The following PPP4R3B variants were observed in gnomAD, a reference collection of about 807,000 sequenced individuals.
The protein encoded by PPP4R3B is serine/threonine-protein phosphatase 4 regulatory subunit 3B.
PPP4R3B carries 52 observed loss-of-function variants against 95.4 expected under a neutral mutation model. The ratio of observed to expected loss-of-function variants is 0.54; its 90% confidence interval spans 0.44 to 0.69. The LOEUF (loss-of-function observed/expected upper bound fraction) is 0.69. Ranked by LOEUF, PPP4R3B falls within the 30% of genes least tolerant of loss-of-function variation. The pLI, the probability that PPP4R3B is intolerant of heterozygous loss-of-function variation, is 0.00. For missense variants in PPP4R3B, 1,003 were observed against 1,005.9 expected, an observed-to-expected ratio of 1.00 and a Z score of 0.04; for synonymous variants, 407 against 343.9, an observed-to-expected ratio of 1.18 and a Z score of -2.03.
chr2:55,599,175 C>G, intron 3 of PPP4R3B, 136 bp from the exon 4 acceptor site: 1 of 801,512 alleles, frequency 1.2e-6, no homozygotes, highest in Non-Finnish European at 1.9e-6. Flanking sequence ...CGGTGGCTCA[C>G]GCCTGTAATC....
At position 55,598,509 on chromosome 2, in the gene PPP4R3B, A is replaced by C; in HGVS notation, c.828T>G (p.Ile276Met). 1 of 1,614,156 alleles carries C rather than the reference A, an allele frequency of 6.2e-7. No homozygotes were observed. Among genetic ancestry groups the C allele is most frequent in the Non-Finnish European group, 8.5e-7 (1 of 1,180,024 alleles). The change falls in exon 4 of 17, where the codon ATT becomes ATG. Residue 276 changes from isoleucine to methionine, a missense_variant. Physicochemically the swap from Ile to Met is conservative, Grantham distance 10 (BLOSUM62 1). This residue lies in a region of PPP4R3B where 695 missense variants were observed against 686.2 expected (regional missense o/e 1.01). Coordinates refer to ENST00000616407, the MANE Select transcript of PPP4R3B (RefSeq NM_001122964.3). ...CTTCAAAAACAGATGGTGTGGGCAA[A>C]ATGATGTCCTGAATGTACTGTACCC... is the stretch of plus-strand genomic sequence containing the variant. Reference protein sequence around the residue: ...TYRVQYIQDIILPTPSVFEEN... With the variant: ...TYRVQYIQDIMLPTPSVFEEN...
chr2:55,579,403 T>G (rs1689133740), intron 9 of PPP4R3B, among the ~76,000 whole-genome samples: 1 of 98 alleles, frequency 0.01, no homozygotes, highest in South Asian at 0.25. Flanking sequence ...GTTTGCCACA[T>G]TTTCTTTTTT....
intron 1 of PPP4R3B, among the ~76,000 whole-genome samples, chr2:55,616,819 G>T (rs572535197): frequency 1.3e-5 from 2 of 152,032 alleles, no homozygotes; most frequent in Admixed American, 6.6e-5. Context: ...GGGGAGGAAG[G>T]TGTCAGCTCC....
rs746195110 is a variant in PPP4R3B, at chr2:55,579,164, C to T, written c.1468+515G>A. Among the ~76,000 whole-genome samples, 84 of 152,070 alleles carry T rather than the reference C, an allele frequency of 5.5e-4. 1 individual carries two copies. The highest frequency in any genetic ancestry group is 3.1e-3 in the Admixed American group (48 of 15,290). ...AACAGAAATTGCAGCTGATGAATTA[C>T]GGGTGCCGATTACATAAGAAAGAGA... On this transcript the variant is annotated intron_variant, in intron 9 of 16. Coordinates refer to ENST00000616407, the MANE Select transcript of PPP4R3B (RefSeq NM_001122964.3).
At chr2:55,580,295 A>C (rs550461824) in intron 8 of PPP4R3B, among the ~76,000 whole-genome samples, 1 of 152,246 alleles carries the variant, frequency 6.6e-6, no homozygotes, top group South Asian at 2.1e-4. Flanking sequence ...ACACAAAATA[A>C]ACAACATGTA....
chr2:55,551,717 C>T (rs1257359407), intron 16 of PPP4R3B, among the ~76,000 whole-genome samples: 3 of 152,000 alleles, frequency 2.0e-5, no homozygotes, highest in Non-Finnish European at 4.4e-5. Context: ...CACCACTGCA[C>T]TCCAGCCTGG....
chr2:55,556,936 G>A (rs1271524096), intron 16 of PPP4R3B, among the ~76,000 whole-genome samples: 2 of 152,210 alleles, frequency 1.3e-5, no homozygotes, highest in African/African-American at 2.4e-5. Flanking sequence ...AGTGGCATGC[G>A]CCAGCACTCC....
rs1692126816 is a variant in PPP4R3B at position 55,598,626 on chromosome 2, T to C, written c.711A>G (p.Arg237=). The change falls in exon 4 of 17, where the codon AGA becomes AGG. Residue 237 remains arginine, a synonymous_variant. Coordinates refer to ENST00000616407, the MANE Select transcript of PPP4R3B (RefSeq NM_001122964.3). ...EYDPALAQPK[R]HREFLTKTAK... ...CAGTTTTGGTCAAGAATTCTCTATG[T>C]CTTTTTGGCTGAGCCAAAGCAGGGT... The C allele has an allele frequency of 6.2e-7, 1 of 1,614,212 alleles. No individual in the cohort carries two copies. Among genetic ancestry groups the C allele is most frequent in the Non-Finnish European group, 8.5e-7 (1 of 1,180,046 alleles).
intron 2 of PPP4R3B, 151 bp downstream of exon 2, chr2:55,615,300 C>G: frequency 1.5e-6 from 1 of 646,204 alleles, no homozygotes; most frequent in Non-Finnish European, 2.6e-6. Context: ...TTTTTTCAGT[C>G]TGAAACTTTT....
intron 3 of PPP4R3B, 76 bp downstream of exon 3, chr2:55,603,902 T>C (rs763600898): frequency 1.4e-4 from 143 of 987,234 alleles, no homozygotes; most frequent in Non-Finnish European, 2.0e-4. Flanking sequence ...CATCCTAATA[T>C]GTTTGAAGTA....
chr2:55,616,689 G>C (rs749499499), intron 1 of PPP4R3B: 1 of 152,494 alleles, frequency 6.6e-6, no homozygotes, highest in Non-Finnish European at 1.5e-5. Context: ...GTTTTCCCCA[G>C]CACCTGTCGA....
rs766489455 is a variant in PPP4R3B, at chr2:55,564,885, G to T, written c.2075+17C>A. 1 of 1,604,180 alleles carries T rather than the reference G, an allele frequency of 6.2e-7. No homozygotes were observed. Among genetic ancestry groups the T allele is most frequent in the Non-Finnish European group, 8.5e-7 (1 of 1,177,266 alleles). On this transcript the variant is annotated intron_variant, in intron 14 of 16. Transcript: ENST00000616407. ...CACAGTTTTGTAGGCTATAAAAGCA[G>T]TATACTTAAACAATACCTGTTCAGT...
chr2:55,605,165 A>G (rs1440956061), intron 2 of PPP4R3B, among the ~76,000 whole-genome samples: 1 of 152,178 alleles, frequency 6.6e-6, no homozygotes, highest in Non-Finnish European at 1.5e-5. Flanking sequence ...CACTAAAAAC[A>G]CTATGCAATA....
At position 55,591,651 on chromosome 2, in the gene PPP4R3B, G is replaced by C. The variant is rs1309552074; in HGVS notation, c.922-2695C>G. The C allele has an allele frequency of 3.0e-6, 3 of 984,658 alleles. No homozygotes were observed. In the African/African-American group the frequency reaches 5.2e-5, roughly 17 times the overall value. The allele number at this position is 984,658 out of a possible 1,614,324, so 61.0% of individuals were successfully genotyped here. On this transcript the variant is annotated intron_variant, in intron 4 of 16. Coordinates refer to ENST00000616407, the MANE Select transcript of PPP4R3B (RefSeq NM_001122964.3). ...CCTTGATAAATGCAATTTCCCACTTGAATTCTTCTTATATGATTCGGTACT... is the reference window on the plus strand; with the variant it reads ...CCTTGATAAATGCAATTTCCCACTTCAATTCTTCTTATATGATTCGGTACT...
chr2:55,593,835 C>T (rs1646243643), intron 4 of PPP4R3B, among the ~76,000 whole-genome samples: 2 of 152,102 alleles, frequency 1.3e-5, no homozygotes, highest in South Asian at 4.1e-4. Flanking sequence ...GAAAAAAAAG[C>T]ATTATATTAA....
chr2:55,598,227 T>C (rs1692070032), intron 4 of PPP4R3B, among the ~76,000 whole-genome samples, 189 bp downstream of exon 4: 1 of 151,942 alleles, frequency 6.6e-6, no homozygotes, highest in Non-Finnish European at 1.5e-5. Context: ...CTCAAAAAAA[T>C]AAATAAAAGG....
At chr2:55,565,557 C>G (rs1304110427) in intron 13 of PPP4R3B, 1 of 152,090 alleles carries the variant, frequency 6.6e-6, no homozygotes, top group Non-Finnish European at 1.5e-5. Flanking sequence ...CGGACTTGAT[C>G]ATTACACATT....
At chr2:55,608,843 G>A (rs1693771345) in intron 2 of PPP4R3B, among the ~76,000 whole-genome samples, 1 of 152,086 alleles carries the variant, frequency 6.6e-6, no homozygotes, top group Admixed American at 6.6e-5. Flanking sequence ...AAATTAGCCA[G>A]GTATGGTGGT....
intron 2 of PPP4R3B, 144 bp downstream of exon 2, chr2:55,615,307 T>C: frequency 1.5e-6 from 1 of 683,012 alleles, no homozygotes; most frequent in Non-Finnish European, 2.4e-6. Flanking sequence ...AGTCTGAAAC[T>C]TTTAACCTGC....
Sources: gnomAD v4.1 joint callset for allele counts (sites outside exome capture counted in the v4.1 genomes callset) on GRCh38, gnomAD v4.1.1 for gene constraint, gnomAD v4.1.1 regional missense constraint, MANE v1.5 for transcripts, NCBI Gene and HGNC (gene_info 2026-07-23, HGNC 2026-07-21) for gene names.